The following CCDC178 variants were observed in gnomAD, a reference collection of about 807,000 sequenced individuals.
The protein encoded by CCDC178 is coiled-coil domain containing 178.
Under a neutral mutation model 117.4 loss-of-function variants are expected in CCDC178, and 126 were observed. The ratio of observed to expected loss-of-function variants is 1.07; its 90% CI spans 0.93 to 1.24. The LOEUF is 1.24. Ranked by LOEUF, CCDC178 falls within the 50% of genes most tolerant of loss-of-function variation. The probability of loss-of-function intolerance (pLI) is 0.00; values close to 1 mark genes in which losing one functional copy is unlikely to be tolerated. For missense variants in CCDC178, 1,030 were observed against 986.9 expected (o/e 1.04, Z -0.59); for synonymous variants, 283 against 313.4 (o/e 0.90, Z 1.02).
chr18:33,171,016 T>C (rs1194564741), intron 20 of CCDC178, among the ~76,000 whole-genome samples: 1 of 152,244 alleles, frequency 6.6e-6, no homozygotes, highest in African/African-American at 2.4e-5. Flanking sequence ...CATTTCTGGA[T>C]TACAGGATTT....
At chr18:33,060,811 T>G (rs534033432) in intron 21 of CCDC178, among the ~76,000 whole-genome samples, 1 of 152,278 alleles carries the variant, frequency 6.6e-6, no homozygotes, top group African/African-American at 2.4e-5. Flanking sequence ...TTCTACTTTT[T>G]ACATGAACTT....
intron 21 of CCDC178, among the ~76,000 whole-genome samples, chr18:32,983,068 A>T (rs1331005769): frequency 6.6e-6 from 1 of 151,814 alleles, no homozygotes; most frequent in Non-Finnish European, 1.5e-5. Flanking sequence ...GAAAGGGGGT[A>T]TTCAGAAACT....
intron 11 of CCDC178, among the ~76,000 whole-genome samples, chr18:33,298,342 G>T (rs576199792): frequency 6.6e-6 from 1 of 152,192 alleles, no homozygotes; most frequent in African/African-American, 2.4e-5. Context: ...CAATAAATGT[G>T]ATACATTACA....
intron 14 of CCDC178, among the ~76,000 whole-genome samples, chr18:33,254,455 T>C (rs2059655448): frequency 6.6e-6 from 1 of 151,972 alleles, no homozygotes; most frequent in Non-Finnish European, 1.5e-5. Flanking sequence ...GCATTGATTA[T>C]ATGTCAACAG....
chr18:33,375,555 T>C (rs958742874), intron 5 of CCDC178, among the ~76,000 whole-genome samples: 4 of 152,102 alleles, frequency 2.6e-5, no homozygotes, highest in African/African-American at 9.7e-5. Flanking sequence ...AATGTACCCA[T>C]TGAGAAGTTG....
intron 12 of CCDC178, among the ~76,000 whole-genome samples, chr18:33,271,468 G>T (rs761382770): frequency 6.6e-6 from 1 of 151,532 alleles, no homozygotes; most frequent in Non-Finnish European, 1.5e-5. Context: ...TAGAGCTGAA[G>T]TGGCTAGATT....
intron 20 of CCDC178, among the ~76,000 whole-genome samples, chr18:33,172,964 A>T (rs2058621255): frequency 6.6e-6 from 1 of 152,170 alleles, no homozygotes; most frequent in African/African-American, 2.4e-5. Context: ...TGTCAAATTG[A>T]TCTTCTAATA....
chr18:33,012,271 T>C lies in CCDC178; in HGVS notation c.2389-37590A>G, dbSNP rs148365198. Among the ~76,000 whole-genome samples, 392 of 152,288 alleles carry C rather than the reference T, an allele frequency of 2.6e-3. 2 individuals are homozygous for C. Among genetic ancestry groups the C allele is most frequent in the African/African-American group, 8.9e-3 (370 of 41,568 alleles). On this transcript the variant is annotated intron_variant, in intron 21 of 22. Transcript: ENST00000383096. The stretch of plus-strand genomic sequence containing the variant: ...CTTTTGCATGCCAGCATTGAAGAAG[T>C]GATCTGAAATTTGTTTCTACATGCA...
At chr18:32,960,161 G>C (rs1214614537) in intron 22 of CCDC178, among the ~76,000 whole-genome samples, 1 of 152,022 alleles carries the variant, frequency 6.6e-6, no homozygotes, top group Non-Finnish European at 1.5e-5. Context: ...ATCAATATAT[G>C]AATTGTGTTT....
At chr18:32,964,257 G>T (rs9961267) in intron 22 of CCDC178, among the ~76,000 whole-genome samples, 74 of 152,078 alleles carry the variant, frequency 4.9e-4, no homozygotes, top group African/African-American at 1.8e-3. Context: ...CATTAATTTG[G>T]ATGTTTTAAC....
chr18:32,938,521 C>G (rs554078750), intron 22 of CCDC178, among the ~76,000 whole-genome samples: 1 of 152,064 alleles, frequency 6.6e-6, no homozygotes, highest in South Asian at 2.1e-4. Flanking sequence ...ATTTATTCAA[C>G]AAATATATTT....
At chr18:33,057,189 T>G (rs572575141) in intron 21 of CCDC178, among the ~76,000 whole-genome samples, 1 of 152,184 alleles carries the variant, frequency 6.6e-6, no homozygotes, top group East Asian at 1.9e-4. Context: ...TAAGGATCAA[T>G]TGAACATAGC....
At chr18:33,081,649 G>T (rs1046661580) in intron 21 of CCDC178, among the ~76,000 whole-genome samples, 1 of 152,080 alleles carries the variant, frequency 6.6e-6, no homozygotes, top group Non-Finnish European at 1.5e-5. Context: ...GGAGTACAGT[G>T]CATATATCTT....
chr18:33,304,015 T>C (rs968093193), intron 11 of CCDC178, among the ~76,000 whole-genome samples: 2 of 152,122 alleles, frequency 1.3e-5, no homozygotes, highest in African/African-American at 4.8e-5. Context: ...TGCCTTAGTA[T>C]ACCTGCAACA....
intron 15 of CCDC178, among the ~76,000 whole-genome samples, chr18:33,227,573 T>C (rs979940988): frequency 2.9e-4 from 42 of 144,710 alleles, no homozygotes; most frequent in African/African-American, 1.0e-3. Context: ...TATATATATA[T>C]ATATATACAC....
intron 12 of CCDC178, among the ~76,000 whole-genome samples, chr18:33,292,078 G>T (rs1245277678): frequency 6.6e-6 from 1 of 150,908 alleles, no homozygotes; most frequent in African/African-American, 2.4e-5. Context: ...TCCCACTGCT[G>T]GTTATATATC....
At chr18:33,049,728 A>C (rs1055489427) in intron 21 of CCDC178, among the ~76,000 whole-genome samples, 3 of 152,188 alleles carry the variant, frequency 2.0e-5, no homozygotes, top group Admixed American at 6.5e-5. Context: ...CAGAAAAATC[A>C]GAGAACTCCT....
chr18:32,967,118 T>A (rs2054831227), intron 22 of CCDC178, among the ~76,000 whole-genome samples: 1 of 151,854 alleles, frequency 6.6e-6, no homozygotes. Context: ...CTTCTCAGCA[T>A]TGATTAAAAC....
chr18:33,390,206 C>G (rs750670893), intron 4 of CCDC178, among the ~76,000 whole-genome samples: 1 of 151,472 alleles, frequency 6.6e-6, no homozygotes, highest in Admixed American at 6.6e-5. Context: ...AGAGGGGAAA[C>G]GTTTTATTTT....
Sources: allele counts gnomAD v4.1 joint callset (sites outside exome capture counted in the v4.1 genomes callset), GRCh38; gene constraint gnomAD v4.1.1; transcripts MANE v1.5; gene names NCBI Gene and HGNC (gene_info 2026-07-23, HGNC 2026-07-21).